Variants in ACO2 observed in about 807,000 individuals in gnomAD.
ACO2 encodes the protein aconitate hydratase, mitochondrial.
ACO2 carries 31 observed loss-of-function variants against 84.5 expected under a neutral mutation model. That is an observed-to-expected ratio of 0.37 (90% CI 0.28 to 0.50). The LOEUF (loss-of-function observed/expected upper bound fraction) is 0.50, where lower values mean the gene tolerates loss of function less well. Among genes scored for constraint, ACO2 ranks in the 20% least tolerant of loss-of-function variants. The probability of loss-of-function intolerance (pLI) is 0.97; values close to 1 mark genes in which losing one functional copy is unlikely to be tolerated. For synonymous variants in ACO2, 414 were observed against 412.7 expected (o/e 1.00, Z -0.04); for missense variants, 685 against 1,029.3 (o/e 0.67, Z 4.58).
chr22:41,492,408 A>AT (rs2066278013), intron 1 of ACO2, among the ~76,000 whole-genome samples: 1 of 152,146 alleles, frequency 6.6e-6, no homozygotes, highest in Non-Finnish European at 1.5e-5. Context: ...AGGCCGAGGC[A>AT]GGCGGATCAC....
Position 41,526,420 on chromosome 22 carries a change from T to A in ACO2, c.1920T>A (p.Phe640Leu). The A allele has an allele frequency of 6.2e-7, 1 of 1,613,726 alleles. No homozygotes were observed. The highest frequency in any genetic ancestry group is 8.5e-7 in the Non-Finnish European group (1 of 1,179,884). The change falls in exon 15 of 18, where the codon TTT becomes TTA. Residue 640 changes from phenylalanine (F) to leucine (L), a missense_variant. Phe to Leu is a conservative substitution (Grantham distance 22). Coordinates refer to ENST00000216254, the MANE Select transcript of ACO2 (RefSeq NM_001098.3). ...TGCGCAATGCCGTCACTCAGGAGTT[T>A]GGCCCCGTCCCTGACACTGCCCGCT... ...NSVRNAVTQEFGPVPDTARYY... is the reference protein window; with the variant it reads ...NSVRNAVTQELGPVPDTARYY...
At chr22:41,493,698 T>C (rs2066291131) in intron 1 of ACO2, among the ~76,000 whole-genome samples, 1 of 152,110 alleles carries the variant, frequency 6.6e-6, no homozygotes, top group African/African-American at 2.4e-5. Flanking sequence ...TCCTAGCACT[T>C]TGGGAGGCCG....
intron 1 of ACO2, among the ~76,000 whole-genome samples, chr22:41,475,633 G>A (rs950321909): frequency 5.3e-4 from 80 of 152,156 alleles, no homozygotes; most frequent in African/African-American, 1.8e-3. Flanking sequence ...GGTGGCTCAC[G>A]CCTGTAATCC....
rs755517564 is a variant in ACO2, at chr22:41,523,810, T to C, written c.1371-20T>C. The C allele has an allele frequency of 6.2e-7, 1 of 1,602,930 alleles. No individual in the cohort carries two copies. The highest frequency in any genetic ancestry group is 8.5e-7 in the Non-Finnish European group (1 of 1,171,780). On this transcript the variant is annotated intron_variant, in intron 11 of 17. Transcript: ENST00000216254. The stretch of plus-strand genomic sequence containing the variant: ...TGACAAGGCCAGATATCCCTAACCC[T>C]GATCCCTCTGACCTGGCAGGAAGGA...
intron 8 of ACO2, 29 bp from the exon 9 acceptor site, chr22:41,520,138 CTCTT>C (rs1199060654): frequency 5.7e-6 from 9 of 1,586,414 alleles, no homozygotes; most frequent in South Asian, 1.1e-5. Flanking sequence ...CTTCCCTCCT[CTCTT>C]TCTTCTCCTT....
Position 41,507,739 on chromosome 22 carries a change from G to T in ACO2, c.174-52G>T, listed in dbSNP as rs2076199. The T allele has an allele frequency of 0.26, 416,064 of 1,573,870 alleles. 68,894 individuals carry two copies. The highest frequency in any genetic ancestry group is 0.64 in the African/African-American group (47,485 of 74,392). On this transcript the variant is annotated intron_variant, in intron 2 of 17. Transcript: ENST00000216254. ...GGACTGAGAGGGAGAGGCAGGGCGG[G>T]AGGAGGCCGTGCAGCTAGCACCAGG...
At chr22:41,474,588 TA>T (rs2037986999) in intron 1 of ACO2, among the ~76,000 whole-genome samples, 8 of 76,870 alleles carry the variant, frequency 1.0e-4, no homozygotes, top group Middle Eastern at 0.013. Flanking sequence ...CCACTGCGCC[TA>T]GCCTTTTTTT....
In ACO2 at chr22:41,524,838, C is replaced by T; in HGVS notation, c.1483-8C>T. ...TGCTGACCAACAAACTGGCCACCTC[C>T]ATTTCAGATTGTCACAGCCCTGGCC... On this transcript the variant is annotated splice_polypyrimidine_tract_variant and splice_region_variant and intron_variant, in intron 12 of 17. Transcript: ENST00000216254. The T allele has an allele frequency of 6.2e-7, 1 of 1,614,158 alleles. No homozygotes were observed. Among genetic ancestry groups the T allele is most frequent in the Non-Finnish European group, 8.5e-7 (1 of 1,180,018 alleles).
At chr22:41,503,255 T>G (rs556802697) in intron 2 of ACO2, among the ~76,000 whole-genome samples, 11 of 152,234 alleles carry the variant, frequency 7.2e-5, no homozygotes, top group African/African-American at 2.2e-4. Context: ...TCCAATAAAT[T>G]TTTTTCTTTT....
chr22:41,516,644 TAGC>T (rs527282797), intron 6 of ACO2, among the ~76,000 whole-genome samples: 1 of 152,198 alleles, frequency 6.6e-6, no homozygotes, highest in Non-Finnish European at 1.5e-5. Flanking sequence ...GGTGGCCTGG[TAGC>T]AGCTGCAGTA....
chr22:41,524,704 G>T, intron 12 of ACO2, 142 bp from the exon 13 acceptor site: 1 of 1,324,982 alleles, frequency 7.5e-7, no homozygotes, highest in Non-Finnish European at 1.1e-6. Flanking sequence ...CTGCAGCTCT[G>T]GCCTCTGAGG....
At chr22:41,514,542 C>T (rs368974522) in intron 4 of ACO2, among the ~76,000 whole-genome samples, 7 of 152,302 alleles carry the variant, frequency 4.6e-5, no homozygotes, top group Admixed American at 1.3e-4. Context: ...CGATACAGGA[C>T]GCCTGGCTCA....
intron 1 of ACO2, among the ~76,000 whole-genome samples, chr22:41,498,955 A>G (rs748256154): frequency 6.6e-6 from 1 of 152,078 alleles, no homozygotes; most frequent in Non-Finnish European, 1.5e-5. Context: ...TTAGACAGGC[A>G]TGGTGGTGCG....
At chr22:41,510,703 G>A (rs1227386903) in intron 3 of ACO2, among the ~76,000 whole-genome samples, 3 of 152,180 alleles carry the variant, frequency 2.0e-5, no homozygotes, top group Non-Finnish European at 4.4e-5. Flanking sequence ...ACCCCACACA[G>A]GGACCTCCCA....
At chr22:41,524,001 G>A (rs2066551778) in intron 12 of ACO2, 60 bp downstream of exon 12, 3 of 1,479,710 alleles carry the variant, frequency 2.0e-6, no homozygotes, top group Non-Finnish European at 2.8e-6. Context: ...TGGCGGGTCA[G>A]AGGAGGAGGC....
At chr22:41,517,905 C>T (rs1242108454) in intron 7 of ACO2, among the ~76,000 whole-genome samples, 2 of 152,230 alleles carry the variant, frequency 1.3e-5, no homozygotes, top group Non-Finnish European at 2.9e-5. Flanking sequence ...TGGCTGAATG[C>T]CCGCCCTTCT....
intron 1 of ACO2, among the ~76,000 whole-genome samples, chr22:41,472,691 TC>T (rs1375691631): frequency 6.6e-6 from 1 of 152,158 alleles, no homozygotes; most frequent in Non-Finnish European, 1.5e-5. Context: ...GCTCAAGCAA[TC>T]CTGGCTTGGC....
Position 41,523,823 on chromosome 22 carries a change from C to T in ACO2, c.1371-7C>T. The stretch of plus-strand genomic sequence containing the variant: ...TATCCCTAACCCTGATCCCTCTGAC[C>T]TGGCAGGAAGGACATCAAGAAGGGG... On this transcript the variant is annotated splice_polypyrimidine_tract_variant and splice_region_variant and intron_variant, in intron 11 of 17. Transcript: ENST00000216254. The T allele has an allele frequency of 4.3e-6, 7 of 1,611,012 alleles. No homozygotes were observed. Among genetic ancestry groups the T allele is most frequent in the Non-Finnish European group, 5.1e-6 (6 of 1,179,014 alleles).
In ACO2 at chr22:41,528,851, C is replaced by A; in HGVS notation, c.*238C>A. 1 of 557,806 alleles carries A rather than the reference C, an allele frequency of 1.8e-6. No individual in the cohort carries two copies. The highest frequency in any genetic ancestry group is 3.2e-5 in the East Asian group (1 of 31,600). The allele number at this position is 557,806 out of a possible 1,614,324, so 34.6% of individuals were successfully genotyped here. A position where few individuals can be genotyped will look rare whatever the true frequency, so the allele number is the denominator to read the frequency against. On this transcript the variant is annotated 3_prime_UTR_variant, in exon 18 of 18. Coordinates refer to ENST00000216254, the MANE Select transcript of ACO2 (RefSeq NM_001098.3). ...TCAGATCTTAAGCAGCTCCATGCAA[C>A]TGTATTTATTTTTGATGACAAGACT...
Sources: gnomAD v4.1 joint callset for allele counts (sites outside exome capture counted in the v4.1 genomes callset) on GRCh38, gnomAD v4.1.1 for gene constraint, MANE v1.5 for transcripts, NCBI Gene and HGNC (gene_info 2026-07-23, HGNC 2026-07-21) for gene names.